Variants in CSMD1 observed in about 807,000 individuals in gnomAD.
The protein encoded by CSMD1 is CUB and Sushi multiple domains 1.
Under a neutral mutation model 417.5 loss-of-function variants are expected in CSMD1, and 213 were observed. The ratio of observed to expected loss-of-function variants is 0.51; its 90% CI spans 0.46 to 0.57. The LOEUF (loss-of-function observed/expected upper bound fraction) is 0.57. Ranked by LOEUF, CSMD1 falls within the 20% of genes least tolerant of loss-of-function variation. The probability of loss-of-function intolerance (pLI) is 0.00; values close to 1 mark genes in which losing one functional copy is unlikely to be tolerated. For synonymous variants in CSMD1, 2,862 were observed against 1,736.8 expected (o/e 1.65, Z -16.11); for missense variants, 6,923 against 4,529.7 (o/e 1.53, Z -15.17).
intron 7 of CSMD1, among the ~76,000 whole-genome samples, chr8:3,648,818 G>A (rs1269527933): frequency 6.6e-6 from 1 of 152,104 alleles, no homozygotes; most frequent in Non-Finnish European, 1.5e-5. Context: ...CTCAGAACAT[G>A]ACATTTCTCT....
chr8:3,454,418 C>A (rs568944430), intron 12 of CSMD1, among the ~76,000 whole-genome samples: 6 of 152,254 alleles, frequency 3.9e-5, no homozygotes, highest in Admixed American at 3.3e-4. Context: ...CAATGGTCTT[C>A]ACAATTTGGC....
intron 5 of CSMD1, among the ~76,000 whole-genome samples, chr8:3,996,587 T>A (rs1284637807): frequency 6.6e-6 from 1 of 152,270 alleles, no homozygotes; most frequent in East Asian, 1.9e-4. Flanking sequence ...ATGTTAGACA[T>A]AGCGAGATAG....
At chr8:3,078,172 A>C (rs1257112009) in intron 49 of CSMD1, among the ~76,000 whole-genome samples, 1 of 152,168 alleles carries the variant, frequency 6.6e-6, no homozygotes, top group Non-Finnish European at 1.5e-5. Context: ...ATAAAATATT[A>C]TTACTTTGCA....
At chr8:4,826,991 C>G (rs951270126) in intron 1 of CSMD1, among the ~76,000 whole-genome samples, 1 of 152,052 alleles carries the variant, frequency 6.6e-6, no homozygotes, top group African/African-American at 2.4e-5. Flanking sequence ...GGTAAGAAAT[C>G]AAATTGCTTG....
intron 3 of CSMD1, among the ~76,000 whole-genome samples, chr8:4,192,353 T>C (rs1023148366): frequency 6.6e-6 from 1 of 152,180 alleles, no homozygotes; most frequent in African/African-American, 2.4e-5. Context: ...TCAGCAGTTC[T>C]TGGATGTCTT....
chr8:4,529,977 A>C (rs1305229757), intron 2 of CSMD1, among the ~76,000 whole-genome samples: 1 of 151,466 alleles, frequency 6.6e-6, no homozygotes, highest in Non-Finnish European at 1.5e-5. Flanking sequence ...TGCAGTGGCG[A>C]GATCCCGGCT....
intron 8 of CSMD1, among the ~76,000 whole-genome samples, chr8:3,610,442 G>T (rs559622561): frequency 7.9e-6 from 1 of 127,292 alleles, no homozygotes; most frequent in South Asian, 2.5e-4. Context: ...GATCGAAGTG[G>T]GACGATCATT....
chr8:4,620,947 TA>T (rs1399754755), intron 2 of CSMD1, among the ~76,000 whole-genome samples: 1 of 151,942 alleles, frequency 6.6e-6, no homozygotes, highest in Non-Finnish European at 1.5e-5. Context: ...ATGTGGTCTT[TA>T]AAAAAATCAA....
chr8:4,706,671 A>T (rs17071069), intron 1 of CSMD1, among the ~76,000 whole-genome samples: 1 of 152,218 alleles, frequency 6.6e-6, no homozygotes, highest in Non-Finnish European at 1.5e-5. Context: ...CTAGTCATCA[A>T]TGTGGCTGAA....
chr8:3,231,340 C>T (rs1540508), intron 26 of CSMD1, among the ~76,000 whole-genome samples: 1 of 152,002 alleles, frequency 6.6e-6, no homozygotes, highest in Non-Finnish European at 1.5e-5. Flanking sequence ...AAGTACTTCA[C>T]TGTTTTCAAC....
At chr8:3,659,190 A>G (rs879643336) in intron 7 of CSMD1, among the ~76,000 whole-genome samples, 1 of 152,248 alleles carries the variant, frequency 6.6e-6, no homozygotes, top group Non-Finnish European at 1.5e-5. Flanking sequence ...GCAAAATTGT[A>G]TTCTACGGCA....
chr8:3,920,710 T>A (rs1809184693), intron 5 of CSMD1, among the ~76,000 whole-genome samples: 2 of 150,682 alleles, frequency 1.3e-5, no homozygotes, highest in South Asian at 4.2e-4. Flanking sequence ...TGTCAAATGC[T>A]TTTTTGTGCA....
intron 2 of CSMD1, among the ~76,000 whole-genome samples, chr8:4,562,259 C>T (rs562066983): frequency 6.6e-6 from 1 of 152,240 alleles, no homozygotes; most frequent in African/African-American, 2.4e-5. Flanking sequence ...AATACACAGG[C>T]ATCATTACGC....
chr8:2,999,937 G>C (rs1023046951), intron 53 of CSMD1, 21 bp downstream of exon 53: 6 of 1,582,592 alleles, frequency 3.8e-6, no homozygotes, highest in South Asian at 2.3e-5. Flanking sequence ...CGATGAATTC[G>C]TCCACAAAGA....
intron 11 of CSMD1, among the ~76,000 whole-genome samples, chr8:3,492,389 CAA>C (rs1818433349): frequency 6.6e-6 from 1 of 152,138 alleles, no homozygotes; most frequent in South Asian, 2.1e-4. Context: ...CTCTTTCCCA[CAA>C]AGAGGCATCC....
intron 3 of CSMD1, among the ~76,000 whole-genome samples, chr8:4,327,140 G>C (rs4409417): frequency 0.049 from 7,395 of 152,096 alleles, 253 homozygotes; most frequent in Non-Finnish European, 0.069. Flanking sequence ...TCATTGACAA[G>C]GTCTACTAGA....
intron 3 of CSMD1, among the ~76,000 whole-genome samples, chr8:4,310,908 G>A (rs7824326): frequency 1 from 152,308 of 152,322 alleles, 76,147 homozygotes; most frequent in Middle Eastern, 1. Context: ...AAAAAGCTCA[G>A]TATCACTAAT....
intron 1 of CSMD1, among the ~76,000 whole-genome samples, chr8:4,975,077 C>T (rs1326052773): frequency 1.3e-5 from 2 of 152,034 alleles, no homozygotes; most frequent in Non-Finnish European, 2.9e-5. Flanking sequence ...CCAAAATCTG[C>T]AATAAACATT....
chr8:4,441,859 A>C (rs1239655692), intron 2 of CSMD1, among the ~76,000 whole-genome samples: 1 of 152,206 alleles, frequency 6.6e-6, no homozygotes, highest in Non-Finnish European at 1.5e-5. Context: ...AAAATTCCAG[A>C]AAGATTTGAG....
Sources: gnomAD v4.1 joint callset for allele counts (sites outside exome capture counted in the v4.1 genomes callset) on GRCh38, gnomAD v4.1.1 for gene constraint, MANE v1.5 for transcripts, NCBI Gene and HGNC (gene_info 2026-07-23, HGNC 2026-07-21) for gene names.